Variants in UPB1 observed in about 807,000 individuals in gnomAD.
UPB1 encodes the protein beta-ureidopropionase.
Under a neutral mutation model 49.1 loss-of-function variants are expected in UPB1, and 40 were observed. The ratio of observed to expected loss-of-function variants is 0.81; its 90% CI spans 0.63 to 1.06. The LOEUF is 1.06. UPB1 is among the 50% of genes least tolerant of loss of function. UPB1 has a pLI of 0.00. For synonymous variants in UPB1, 207 were observed against 198.2 expected, an observed-to-expected ratio of 1.04 and a Z score of -0.38; for missense variants, 499 against 505.9, an observed-to-expected ratio of 0.99 and a Z score of 0.13.
intron 3 of UPB1, among the ~76,000 whole-genome samples, chr22:24,506,803 C>A (rs1341447428): frequency 1.3e-5 from 2 of 152,184 alleles, no homozygotes; most frequent in Non-Finnish European, 2.9e-5. Context: ...TTAGTATTGG[C>A]TGGATAGTTG....
chr22:24,515,463 G>A, intron 6 of UPB1, 93 bp downstream of exon 6: 2 of 1,550,950 alleles, frequency 1.3e-6, no homozygotes, highest in Non-Finnish European at 1.8e-6. Flanking sequence ...GCAGCAGGCA[G>A]GCGCAGCCAC....
At chr22:24,510,880 A>C (rs1289622816) in intron 4 of UPB1, 37 bp downstream of exon 4, 1 of 1,601,252 alleles carries the variant, frequency 6.2e-7, no homozygotes, top group East Asian at 2.2e-5. Flanking sequence ...GCAGCTGCCA[A>C]ATATGTGCAA....
intron 3 of UPB1, among the ~76,000 whole-genome samples, chr22:24,508,433 C>T (rs976913061): frequency 6.6e-6 from 1 of 151,794 alleles, no homozygotes; most frequent in African/African-American, 2.4e-5. Context: ...GTGGCGGGCA[C>T]CTGTAATCCC....
At chr22:24,508,643 C>A (rs1254348259) in intron 3 of UPB1, among the ~76,000 whole-genome samples, 1 of 149,572 alleles carries the variant, frequency 6.7e-6, no homozygotes, top group Admixed American at 6.7e-5. Flanking sequence ...TTTGGGAGGC[C>A]GAGGCAGCTG....
At chr22:24,496,575 C>T (rs1356669362) in intron 1 of UPB1, among the ~76,000 whole-genome samples, 2 of 152,274 alleles carry the variant, frequency 1.3e-5, no homozygotes, top group East Asian at 3.9e-4. Context: ...CAACCTGCTA[C>T]AGTAGCTTCA....
Position 24,527,771 on chromosome 22 carries a change from C to T in UPB1, c.*1977C>T, listed in dbSNP as rs1030020588. 1 of 150,870 alleles carries T rather than the reference C, an allele frequency of 6.6e-6. No individual in the cohort carries two copies. Among genetic ancestry groups the T allele is most frequent in the African/African-American group, 2.4e-5 (1 of 40,872 alleles). The allele number at this position is 150,870 out of a possible 1,614,324, so 9.3% of individuals were successfully genotyped here. A position where few individuals can be genotyped will look rare whatever the true frequency, so the allele number is the denominator to read the frequency against. On this transcript the variant is annotated 3_prime_UTR_variant, in exon 10 of 10. Coordinates refer to ENST00000326010, the MANE Select transcript of UPB1 (RefSeq NM_016327.3). ...TTGAACTCTCTGTGCTGCAGGTTTT[C>T]ACTTTACCTAATGGCCCTTCTTGCA...
chr22:24,497,599 G>A (rs988409257), intron 1 of UPB1, among the ~76,000 whole-genome samples: 3 of 152,132 alleles, frequency 2.0e-5, no homozygotes, highest in African/African-American at 4.8e-5. Context: ...TTGAAGGGAA[G>A]CCCTGAGTGG....
In UPB1 at chr22:24,527,537, C is replaced by T. The variant is rs1305766087; in HGVS notation, c.*1743C>T. 1 of 152,108 alleles carries T rather than the reference C, an allele frequency of 6.6e-6. No individual in the cohort carries two copies. The highest frequency in any genetic ancestry group is 1.5e-5 in the Non-Finnish European group (1 of 68,074). The allele number at this position is 152,108 out of a possible 1,614,324, so 9.4% of individuals were successfully genotyped here. A position where few individuals can be genotyped will look rare whatever the true frequency, so the allele number is the denominator to read the frequency against. On this transcript the variant is annotated 3_prime_UTR_variant, in exon 10 of 10. Transcript: ENST00000326010. ...CTCAAATAGCAGTTAACCAGAGTAT[C>T]GGGTTGGAGGTGGGGTTGAGATTCT...
In UPB1 at chr22:24,525,796, C is replaced by A. The variant is rs142696447; in HGVS notation, c.*2C>A. 60 of 1,614,186 alleles carry A rather than the reference C, an allele frequency of 3.7e-5. No individual in the cohort carries two copies. In the African/African-American group the frequency reaches 6.9e-4, roughly 19 times the overall value. ...AGCCCCACCATCGTGAAAGAGTAGC[C>A]GGCTTCAGTGCCTGCCTTGGGGTGA... On this transcript the variant is annotated 3_prime_UTR_variant, in exon 10 of 10. Coordinates refer to ENST00000326010, the MANE Select transcript of UPB1 (RefSeq NM_016327.3).
At chr22:24,509,360 T>TGA (rs1568986747) in intron 3 of UPB1, among the ~76,000 whole-genome samples, 15 of 77,006 alleles carry the variant, frequency 1.9e-4, no homozygotes, top group African/African-American at 6.6e-4. Flanking sequence ...ACCTACTGTT[T>TGA]GAAAAAAAAA....
chr22:24,524,446 C>T (rs960639062), intron 9 of UPB1, among the ~76,000 whole-genome samples: 16 of 152,210 alleles, frequency 1.1e-4, no homozygotes, highest in South Asian at 2.1e-4. Context: ...TATTAGTGTC[C>T]GAAAGTATTT....
At chr22:24,499,569 C>A (rs1601477283) in intron 1 of UPB1, among the ~76,000 whole-genome samples, 2 of 152,132 alleles carry the variant, frequency 1.3e-5, no homozygotes, top group Admixed American at 1.3e-4. Flanking sequence ...TGGCCTCCCC[C>A]AGCAGGAGCA....
In UPB1 at chr22:24,526,126, T is replaced by C. The variant is rs1232430122; in HGVS notation, c.*332T>C. 4 of 373,132 alleles carry C rather than the reference T, an allele frequency of 1.1e-5. No individual in the cohort carries two copies. Among genetic ancestry groups the C allele is most frequent in the African/African-American group, 8.4e-5 (4 of 47,352 alleles). 23.1% of individuals were successfully genotyped at this position (373,132 alleles called of 1,614,324 possible). ...CTGCTTGTGCAGGTGGATTTGAGGT[T>C]AGGCAGATGATGCTGTCCATCCCGT... On this transcript the variant is annotated 3_prime_UTR_variant, in exon 10 of 10. Coordinates refer to ENST00000326010, the MANE Select transcript of UPB1 (RefSeq NM_016327.3).
intron 8 of UPB1, 80 bp downstream of exon 8, chr22:24,522,108 G>C: frequency 3.3e-6 from 5 of 1,527,580 alleles, no homozygotes; most frequent in Non-Finnish European, 4.5e-6. Flanking sequence ...CTCCAGTCAG[G>C]ATCTGCCACA....
At position 24,526,712 on chromosome 22, in the gene UPB1, G is replaced by C. The variant is rs1242350771; in HGVS notation, c.*918G>C. ...TGGATTTTTTTAGAATTCTTCCCTAGTTTGATTGAACTTAAAGGCATCAAT... is the reference window on the plus strand; with the variant it reads ...TGGATTTTTTTAGAATTCTTCCCTACTTTGATTGAACTTAAAGGCATCAAT... On this transcript the variant is annotated 3_prime_UTR_variant, in exon 10 of 10. Transcript: ENST00000326010. 6.6e-6 allele frequency: 1 copy of C among 152,148 alleles called. No individual in the cohort carries two copies. Among genetic ancestry groups the C allele is most frequent in the Non-Finnish European group, 1.5e-5 (1 of 68,044 alleles). 9.4% of individuals were successfully genotyped at this position (152,148 alleles called of 1,614,324 possible).
intron 9 of UPB1, among the ~76,000 whole-genome samples, chr22:24,525,157 G>A (rs565748174): frequency 4.1e-5 from 6 of 145,668 alleles, no homozygotes; most frequent in South Asian, 2.4e-4. Context: ...CCCAACTTTG[G>A]TAATGGGCCT....
chr22:24,500,414 T>C (rs1601479279), intron 2 of UPB1, 136 bp downstream of exon 2: 1 of 1,130,006 alleles, frequency 8.8e-7, no homozygotes, highest in South Asian at 1.4e-5. Flanking sequence ...GAGGCGCTTC[T>C]GCCCTGGCCT....
At chr22:24,509,361 GAAAAAAAAAAAAAAAAAAAAA>G (rs202081655) in intron 3 of UPB1, among the ~76,000 whole-genome samples, 17 of 92,168 alleles carry the variant, frequency 1.8e-4, no homozygotes, top group East Asian at 1.3e-3. Context: ...CCTACTGTTT[GAAAAAAAAAAAAAAAAAAAAA>G]AAAAAAAAAA....
At chr22:24,509,393 AAAAG>A (rs2044154304) in intron 3 of UPB1, among the ~76,000 whole-genome samples, 6 of 123,610 alleles carry the variant, frequency 4.9e-5, no homozygotes, top group African/African-American at 1.5e-4. Flanking sequence ...AAAAAAAAAA[AAAAG>A]CAAAAACCAA....
Sources: gnomAD v4.1 joint callset for allele counts (sites outside exome capture counted in the v4.1 genomes callset) on GRCh38, gnomAD v4.1.1 for gene constraint, MANE v1.5 for transcripts, NCBI Gene and HGNC (gene_info 2026-07-23, HGNC 2026-07-21) for gene names.